Variants in LMBR1L observed in about 807,000 individuals in gnomAD.
LMBR1L encodes the protein limb development membrane protein 1 like.
Under a neutral mutation model 67.3 loss-of-function variants are expected in LMBR1L, and 47 were observed. The ratio of observed to expected loss-of-function variants is 0.70; its 90% CI spans 0.55 to 0.89. The LOEUF is 0.89. Ranked by LOEUF, LMBR1L falls within the 40% of genes least tolerant of loss-of-function variation. The pLI, the probability that LMBR1L is intolerant of heterozygous loss-of-function variation, is 0.00. For synonymous variants in LMBR1L, 247 were observed against 250.3 expected, an observed-to-expected ratio of 0.99 and a Z score of 0.13; for missense variants, 533 against 599.2, an observed-to-expected ratio of 0.89 and a Z score of 1.15.
chr12:49,101,087 G>A, intron 13 of LMBR1L, 163 bp downstream of exon 13: 1 of 1,465,078 alleles, frequency 6.8e-7, no homozygotes, highest in Non-Finnish European at 9.1e-7. Context: ...TTCAAATTAA[G>A]TCTTTTCCTT....
chr12:49,104,580 G>A (rs772152427), intron 4 of LMBR1L, 29 bp from the exon 5 acceptor site: 3 of 1,590,436 alleles, frequency 1.9e-6, no homozygotes, highest in East Asian at 2.2e-5. Context: ...AGCAGAAGTG[G>A]TCAGTAAGGG....
intron 3 of LMBR1L, among the ~76,000 whole-genome samples, chr12:49,105,592 C>T (rs1308456129): frequency 6.6e-6 from 1 of 152,176 alleles, no homozygotes; most frequent in Non-Finnish European, 1.5e-5. Flanking sequence ...ACACCCTGCT[C>T]TTTTTCCATC....
At chr12:49,105,425 G>A (rs1312521441) in intron 3 of LMBR1L, among the ~76,000 whole-genome samples, 1 of 152,128 alleles carries the variant, frequency 6.6e-6, no homozygotes, top group Non-Finnish European at 1.5e-5. Flanking sequence ...TAGCTCTTTG[G>A]TCCATCAAGG....
intron 1 of LMBR1L, 74 bp downstream of exon 1, chr12:49,110,410 A>G (rs1941414749): frequency 7.1e-7 from 1 of 1,412,662 alleles, no homozygotes; most frequent in African/African-American, 1.4e-5. Flanking sequence ...GCACTCTGAG[A>G]CCAGGTGGGC....
intron 15 of LMBR1L, among the ~76,000 whole-genome samples, chr12:49,099,564 C>G (rs1939854948): frequency 6.6e-6 from 1 of 151,226 alleles, no homozygotes; most frequent in Non-Finnish European, 1.5e-5. Flanking sequence ...TTGGGGTGAA[C>G]TAGTTACACT....
At chr12:49,109,374 G>A (rs1036394071) in intron 1 of LMBR1L, among the ~76,000 whole-genome samples, 2 of 151,842 alleles carry the variant, frequency 1.3e-5, no homozygotes, top group South Asian at 2.1e-4. Context: ...AAGGCTTGCC[G>A]AAAGCACACT....
intron 1 of LMBR1L, among the ~76,000 whole-genome samples, chr12:49,108,789 TTG>T (rs1941224216): frequency 1.3e-5 from 2 of 152,090 alleles, no homozygotes; most frequent in South Asian, 4.2e-4. Context: ...AGAGAAGTTA[TTG>T]TGTTTGAGAT....
At chr12:49,103,919 TAA>T in intron 5 of LMBR1L, 106 bp from the exon 6 acceptor site, 1 of 1,260,668 alleles carries the variant, frequency 7.9e-7, no homozygotes, top group Non-Finnish European at 1.1e-6. Context: ...ATTCAGGAGG[TAA>T]GAGAGAGGGT....
intron 15 of LMBR1L, among the ~76,000 whole-genome samples, chr12:49,098,354 G>C (rs1033150934): frequency 2.0e-5 from 3 of 152,124 alleles, no homozygotes; most frequent in African/African-American, 7.2e-5. Flanking sequence ...TCTGGCTCCT[G>C]GTGTCCCCAG....
At position 49,110,579 on chromosome 12, in the gene LMBR1L, C is replaced by A; in HGVS notation, c.-24G>T. 3 of 1,610,062 alleles carry A rather than the reference C, an allele frequency of 1.9e-6. No individual in the cohort carries two copies. On this transcript the variant is annotated 5_prime_UTR_variant, in exon 1 of 17. Coordinates refer to ENST00000267102, the MANE Select transcript of LMBR1L (RefSeq NM_018113.4). ...ATACTCTGCTCAGCATGACTGAAGC[C>A]GAGGTGCCTCTGGGCCCGGGGAGGA...
At chr12:49,104,602 C>T in intron 4 of LMBR1L, 51 bp from the exon 5 acceptor site, 6 of 1,569,272 alleles carry the variant, frequency 3.8e-6, no homozygotes, top group Non-Finnish European at 5.3e-6. Flanking sequence ...AGGGGCAACC[C>T]ACAGGAGACT....
chr12:49,103,646 A>G, intron 6 of LMBR1L, 41 bp downstream of exon 6: 1 of 1,580,666 alleles, frequency 6.3e-7, no homozygotes, highest in Non-Finnish European at 8.6e-7. Flanking sequence ...ACATGGGCCA[A>G]CTGAAAAGCC....
chr12:49,101,564 G>C lies in LMBR1L; in HGVS notation c.931-15C>G, dbSNP rs1260840547. 6.3e-7 allele frequency: 1 copy of C among 1,595,496 alleles called. No individual in the cohort carries two copies. The highest frequency in any genetic ancestry group is 8.6e-7 in the Non-Finnish European group (1 of 1,165,558). ...ACAGACAGGCCCTGTGTGAGGCAAGGTCAGACTCCCATTCCACCCCAGACC... is the reference window on the plus strand; with the variant it reads ...ACAGACAGGCCCTGTGTGAGGCAAGCTCAGACTCCCATTCCACCCCAGACC... On this transcript the variant is annotated splice_polypyrimidine_tract_variant and intron_variant, in intron 11 of 16. Transcript: ENST00000267102.
chr12:49,098,797 A>G (rs985644384), intron 15 of LMBR1L, among the ~76,000 whole-genome samples: 5 of 152,136 alleles, frequency 3.3e-5, no homozygotes, highest in African/African-American at 1.2e-4. Flanking sequence ...AGAATGAAAT[A>G]GAGCTGTTTT....
chr12:49,109,034 C>T (rs565343949), intron 1 of LMBR1L, among the ~76,000 whole-genome samples: 1 of 152,206 alleles, frequency 6.6e-6, no homozygotes, highest in South Asian at 2.1e-4. Context: ...TCTGGGCTTG[C>T]GTAATAGCCA....
chr12:49,106,750 A>G, intron 2 of LMBR1L: 1 of 859,044 alleles, frequency 1.2e-6, no homozygotes, highest in Non-Finnish European at 1.9e-6. Context: ...GATGAAACTG[A>G]GGATCAGAAA....
In LMBR1L at chr12:49,101,487, C is replaced by T. The variant is rs1281568456; in HGVS notation, c.993G>A (p.Met331Ile). Reference protein sequence around the residue: ...ILELLIDEAAMPRGMQGTSLG... With the variant: ...ILELLIDEAAIPRGMQGTSLG... ...AGCCTGGTACCTGCATGCCTCGGGGCATGGCAGCCTCATCGATGAGCAGCT... is the reference window on the plus strand; with the variant it reads ...AGCCTGGTACCTGCATGCCTCGGGGTATGGCAGCCTCATCGATGAGCAGCT... The change falls in exon 12 of 17, where the codon ATG becomes ATA. Residue 331 changes from methionine (M) to isoleucine (I), a missense_variant. Physicochemically the swap from Met to Ile is conservative, Grantham distance 10. Transcript: ENST00000267102. 2 of 1,613,828 alleles carry T rather than the reference C, an allele frequency of 1.2e-6. No individual in the cohort carries two copies. The highest frequency in any genetic ancestry group is 1.7e-6 in the Non-Finnish European group (2 of 1,179,926).
intron 4 of LMBR1L, 22 bp downstream of exon 4, chr12:49,104,724 G>C (rs1565594681): frequency 1.2e-6 from 2 of 1,612,690 alleles, no homozygotes; most frequent in East Asian, 4.5e-5. Context: ...CCTACCCCAA[G>C]CAGCTTCCAG....
At position 49,106,966 on chromosome 12, in the gene LMBR1L, G is replaced by A. The variant is rs765310397; in HGVS notation, c.152C>T (p.Thr51Ile). 4 of 1,609,400 alleles carry A rather than the reference G, an allele frequency of 2.5e-6. No individual in the cohort carries two copies. In the African/African-American group the frequency reaches 4.0e-5, roughly 16 times the overall value. The change falls in exon 2 of 17, where the codon ACC becomes ATC. Residue 51 changes from threonine to isoleucine, a missense_variant. Transcript: ENST00000267102. ...LTRFKKPAEF[T>I]TVDDEDATVN... Reference sequence around the variant, plus strand: ...AGGGAGGGAAATCAAAGTACCTGTGGTGAACTCAGCAGGCTTCTTGAAGCG... The same window carrying A: ...AGGGAGGGAAATCAAAGTACCTGTGATGAACTCAGCAGGCTTCTTGAAGCG...
Sources: gnomAD v4.1 joint callset for allele counts (sites outside exome capture counted in the v4.1 genomes callset) on GRCh38, gnomAD v4.1.1 for gene constraint, MANE v1.5 for transcripts, NCBI Gene and HGNC (gene_info 2026-07-23, HGNC 2026-07-21) for gene names.